RBM43: variants seen among roughly 807,000 people sequenced by gnomAD.
RBM43 encodes RNA binding motif protein 43.
Under a neutral mutation model 12.4 loss-of-function variants are expected in RBM43, and 12 were observed. That is an observed-to-expected ratio of 0.97 (90% CI 0.62 to 1.57). RBM43 has a LOEUF of 1.57. Ranked by LOEUF, RBM43 falls within the 40% of genes most tolerant of loss-of-function variation. RBM43 has a pLI of 0.00. For missense variants in RBM43, 348 were observed against 400.1 expected (o/e 0.87, Z 1.11); for synonymous variants, 138 against 145.7 (o/e 0.95, Z 0.38).
chr2:151,261,359 C>CT (rs1471323702), intron 1 of RBM43: 2 of 1,550,502 alleles, frequency 1.3e-6, no homozygotes. Flanking sequence ...CAGTTAAGCC[C>CT]TAACAGCCTG....
At chr2:151,256,351 T>G (rs2105191959) in intron 1 of RBM43, among the ~76,000 whole-genome samples, 1 of 152,194 alleles carries the variant, frequency 6.6e-6, no homozygotes, top group South Asian at 2.1e-4. Context: ...AAGGAAAAGA[T>G]CAAAAACATA....
At chr2:151,261,692 T>C in intron 1 of RBM43, 33 bp downstream of exon 1, 1 of 1,592,398 alleles carries the variant, frequency 6.3e-7, no homozygotes, top group Non-Finnish European at 8.5e-7. Context: ...GGCACGGACC[T>C]GCACCGCAAA....
chr2:151,256,122 C>T (rs1021073920), intron 1 of RBM43, among the ~76,000 whole-genome samples: 1 of 152,066 alleles, frequency 6.6e-6, no homozygotes, highest in African/African-American at 2.4e-5. Flanking sequence ...CCACCACACC[C>T]AGCTAATTTT....
In RBM43 at chr2:151,250,671, A is replaced by G. The variant is rs948306454; in HGVS notation, c.*235T>C. 7.7e-6 allele frequency: 3 copies of G among 392,068 alleles called. No individual in the cohort carries two copies. In the Admixed American group the frequency reaches 1.2e-4, roughly 16 times the overall value. 24.3% of individuals were successfully genotyped at this position (392,068 alleles called of 1,614,324 possible). The stretch of plus-strand genomic sequence containing the variant: ...CCTTAGATATTATCTGTGTAATCAG[A>G]TAGACTGGGCTAAGCCACAGCCTCA... On this transcript the variant is annotated 3_prime_UTR_variant, in exon 4 of 4. Transcript: ENST00000331426.
At chr2:151,254,899 A>G (rs1371858513) in intron 2 of RBM43, among the ~76,000 whole-genome samples, 1 of 152,218 alleles carries the variant, frequency 6.6e-6, no homozygotes, top group East Asian at 1.9e-4. Flanking sequence ...ATGAGATTAT[A>G]TATCATCTTT....
intron 2 of RBM43, among the ~76,000 whole-genome samples, chr2:151,254,660 C>T (rs1472333877): frequency 1.3e-5 from 2 of 152,078 alleles, no homozygotes; most frequent in East Asian, 1.9e-4. Flanking sequence ...GAAGGTTGCC[C>T]GTTCCATGAG....
Position 151,250,778 on chromosome 2 carries a change from CA to C in RBM43, c.*127del. The C allele has an allele frequency of 1.5e-6, 1 of 688,508 alleles. No individual in the cohort carries two copies. The highest frequency in any genetic ancestry group is 2.4e-6 in the Non-Finnish European group (1 of 412,024). 42.6% of individuals were successfully genotyped at this position (688,508 alleles called of 1,614,324 possible). ...TCTTCCGCTGTAACATGAGGATAGT[CA>C]ACACTGACAAAGAAGGATGACTATA... On this transcript the variant is annotated 3_prime_UTR_variant, in exon 4 of 4. Transcript: ENST00000331426.
intron 1 of RBM43, chr2:151,261,325 TC>T: frequency 1.9e-6 from 3 of 1,550,348 alleles, no homozygotes; most frequent in Non-Finnish European, 8.7e-7. Context: ...CCACTTTTGT[TC>T]CCCCCGAGGC....
Position 151,250,699 on chromosome 2 carries a change from C to T in RBM43, c.*207G>A. ...GACTGGGCTAAGCCACAGCCTCATT[C>T]TTTGTCAACTGGATAACTTCAGAAA... is the stretch of plus-strand genomic sequence containing the variant. On this transcript the variant is annotated 3_prime_UTR_variant, in exon 4 of 4. Coordinates refer to ENST00000331426, the MANE Select transcript of RBM43 (RefSeq NM_198557.3). 1 of 458,546 alleles carries T rather than the reference C, an allele frequency of 2.2e-6. No individual in the cohort carries two copies. The highest frequency in any genetic ancestry group is 3.8e-6 in the Non-Finnish European group (1 of 261,404). The allele number at this position is 458,546 out of a possible 1,614,324, so 28.4% of individuals were successfully genotyped here.
At chr2:151,252,416 G>A (rs1222249568) in intron 3 of RBM43, among the ~76,000 whole-genome samples, 1 of 152,130 alleles carries the variant, frequency 6.6e-6, no homozygotes, top group Admixed American at 6.5e-5. Flanking sequence ...CCAGCTACTC[G>A]GGAGGTTGAG....
intron 2 of RBM43, among the ~76,000 whole-genome samples, chr2:151,253,173 T>C (rs1454182031): frequency 6.6e-6 from 1 of 152,174 alleles, no homozygotes; most frequent in East Asian, 1.9e-4. Context: ...CAAGATATCA[T>C]ACTGTTCTGG....
In RBM43 at chr2:151,250,989, G is replaced by T; in HGVS notation, c.991C>A (p.His331Asn). The T allele has an allele frequency of 6.2e-7, 1 of 1,612,122 alleles. No homozygotes were observed. The highest frequency in any genetic ancestry group is 1.7e-4 in the Middle Eastern group (1 of 6,050). ...LEVLINLYRT[H>N]IDIIGSSSDT... ...GAAGAAGATCCTATAATGTCAATGT[G>T]TGTCCTATAAAGGTTAATCAGGACT... is the stretch of plus-strand genomic sequence containing the variant. Residue 331 changes from histidine to asparagine, a missense_variant, in exon 4 of 4, where the codon CAC becomes AAC. By Grantham distance (68) the His-to-Asn change is moderately conservative. Transcript: ENST00000331426.
chr2:151,258,243 G>T (rs531844978), intron 1 of RBM43, among the ~76,000 whole-genome samples: 1 of 152,226 alleles, frequency 6.6e-6, no homozygotes, highest in African/African-American at 2.4e-5. Context: ...TGTTGACAGG[G>T]TATTGGTAAA....
chr2:151,253,123 CTGT>C (rs1466869156), intron 2 of RBM43, among the ~76,000 whole-genome samples: 2 of 152,164 alleles, frequency 1.3e-5, no homozygotes, highest in African/African-American at 4.8e-5. Flanking sequence ...ATCCCCATCT[CTGT>C]TAATTCTAGT....
In RBM43 at chr2:151,250,703, G is replaced by T; in HGVS notation, c.*203C>A. ...GGGCTAAGCCACAGCCTCATTCTTTGTCAACTGGATAACTTCAGAAAAGTG... is the reference window on the plus strand; with the variant it reads ...GGGCTAAGCCACAGCCTCATTCTTTTTCAACTGGATAACTTCAGAAAAGTG... On this transcript the variant is annotated 3_prime_UTR_variant, in exon 4 of 4. Transcript: ENST00000331426. 4.4e-6 allele frequency: 2 copies of T among 454,136 alleles called. No individual in the cohort carries two copies. The highest frequency in any genetic ancestry group is 3.9e-6 in the Non-Finnish European group (1 of 259,028). 28.1% of individuals were successfully genotyped at this position (454,136 alleles called of 1,614,324 possible). A position where few individuals can be genotyped will look rare whatever the true frequency, so the allele number is the denominator to read the frequency against.
At chr2:151,257,641 C>T (rs1218434309) in intron 1 of RBM43, among the ~76,000 whole-genome samples, 1 of 151,916 alleles carries the variant, frequency 6.6e-6, no homozygotes, top group African/African-American at 2.4e-5. Context: ...TGGGGTGAGC[C>T]GAGATCGCCC....
chr2:151,251,221 A>G lies in RBM43; in HGVS notation c.759T>C (p.Asp253=), dbSNP rs1259446176. The G allele has an allele frequency of 6.2e-7, 1 of 1,613,748 alleles. No homozygotes were observed. The highest frequency in any genetic ancestry group is 1.3e-5 in the African/African-American group (1 of 74,944). ...TTAGACAAATTGTGGTGATTTCACC[A>G]TCCACTTTCTCCTGACTCAGAATGT... The part of the protein sequence containing the change: ...KFHILSQEKV[D]GEITTICLKS... The change falls in exon 4 of 4, where the codon GAT becomes GAC. Residue 253 remains aspartate, a synonymous_variant. Coordinates refer to ENST00000331426, the MANE Select transcript of RBM43 (RefSeq NM_198557.3).
intron 1 of RBM43, among the ~76,000 whole-genome samples, chr2:151,257,333 A>AAAC (rs1682988258): frequency 4.3e-5 from 6 of 140,436 alleles, no homozygotes; most frequent in African/African-American, 1.6e-4. Flanking sequence ...CACACACACA[A>AAAC]ACACACACAC....
intron 1 of RBM43, 51 bp from the exon 2 acceptor site, chr2:151,255,794 T>C: frequency 8.0e-7 from 1 of 1,248,108 alleles, no homozygotes; most frequent in Non-Finnish European, 1.2e-6. Context: ...CTCTATATAA[T>C]AAAGATGACA....
Sources: allele counts gnomAD v4.1 joint callset (sites outside exome capture counted in the v4.1 genomes callset), GRCh38; gene constraint gnomAD v4.1.1; transcripts MANE v1.5; gene names NCBI Gene and HGNC (gene_info 2026-07-23, HGNC 2026-07-21).